The following LHFPL3 variants were observed in gnomAD, a reference collection of about 807,000 sequenced individuals.
LHFPL3 encodes LHFPL tetraspan subfamily member 3 protein.
LHFPL3 carries 5 observed loss-of-function variants against 19.3 expected under a neutral mutation model. The observed-to-expected ratio is 0.26, with a 90% CI of 0.14 to 0.54. The LOEUF is 0.54. Ranked by LOEUF, LHFPL3 falls within the 20% of genes least tolerant of loss-of-function variation. The pLI, the probability that LHFPL3 is intolerant of heterozygous loss-of-function variation, is 0.94. For missense variants in LHFPL3, 249 were observed against 307.4 expected (o/e 0.81, Z 1.42); for synonymous variants, 133 against 126.2 (o/e 1.05, Z -0.36).
chr7:104,721,729 AG>A lies in LHFPL3; in HGVS notation c.446-14942del, dbSNP rs35196635. Among the ~76,000 whole-genome samples the A allele has an allele frequency of 3.5e-3, 539 of 152,310 alleles. 3 individuals carry two copies. Among genetic ancestry groups the A allele is most frequent in the Non-Finnish European group, 5.5e-3 (371 of 68,022 alleles). ...ATGGAAAGGAATGAGAAGTGGAATA[AG>A]GGGCCAAGAGTATTTAAGGAAAAAT... is the stretch of plus-strand genomic sequence containing the variant. On this transcript the variant is annotated intron_variant, in intron 1 of 2. Transcript: ENST00000424859.
At chr7:104,687,412 A>G (rs1239235181) in intron 1 of LHFPL3, among the ~76,000 whole-genome samples, 4 of 152,294 alleles carry the variant, frequency 2.6e-5, no homozygotes, top group African/African-American at 7.2e-5. Flanking sequence ...AATTGATTAA[A>G]TCATTAGCCA....
intron 2 of LHFPL3, among the ~76,000 whole-genome samples, chr7:104,862,658 G>A (rs531496823): frequency 1.1e-4 from 16 of 152,226 alleles, no homozygotes; most frequent in South Asian, 8.3e-4. Context: ...CCCTGACTGG[G>A]TACCAGATCC....
chr7:104,610,198 T>A (rs1791186122), intron 1 of LHFPL3, among the ~76,000 whole-genome samples: 1 of 152,178 alleles, frequency 6.6e-6, no homozygotes, highest in Non-Finnish European at 1.5e-5. Context: ...AAATCCTTTC[T>A]GTATACTGAA....
At chr7:104,592,243 A>G (rs937364081) in intron 1 of LHFPL3, among the ~76,000 whole-genome samples, 5 of 151,998 alleles carry the variant, frequency 3.3e-5, no homozygotes, top group Admixed American at 2.6e-4. Flanking sequence ...GTTTCTCCCC[A>G]TGTTTGTGGT....
At chr7:104,433,974 A>T (rs1423841579) in intron 1 of LHFPL3, among the ~76,000 whole-genome samples, 1 of 152,244 alleles carries the variant, frequency 6.6e-6, no homozygotes, top group African/African-American at 2.4e-5. Flanking sequence ...ACTTTATATT[A>T]TCTTACATTA....
chr7:104,345,438 C>A (rs1370012373), intron 1 of LHFPL3, among the ~76,000 whole-genome samples: 1 of 151,880 alleles, frequency 6.6e-6, no homozygotes, highest in South Asian at 2.1e-4. Context: ...ATTTGGTTAC[C>A]AAGTTTGTTA....
intron 1 of LHFPL3, among the ~76,000 whole-genome samples, chr7:104,688,444 G>T (rs1792845629): frequency 6.6e-6 from 1 of 152,176 alleles, no homozygotes; most frequent in African/African-American, 2.4e-5. Flanking sequence ...TGAGGGCGTT[G>T]ATTGGAAAAG....
intron 2 of LHFPL3, among the ~76,000 whole-genome samples, chr7:104,853,298 G>T (rs998630153): frequency 6.6e-6 from 1 of 152,178 alleles, no homozygotes; most frequent in African/African-American, 2.4e-5. Context: ...GTGGGAGAGA[G>T]AATCTAAAAA....
intron 1 of LHFPL3, among the ~76,000 whole-genome samples, chr7:104,639,252 A>C (rs941743005): frequency 2.6e-5 from 4 of 151,902 alleles, no homozygotes; most frequent in Non-Finnish European, 4.4e-5. Context: ...TCAATTTCAG[A>C]GTTCATTATT....
intron 2 of LHFPL3, among the ~76,000 whole-genome samples, chr7:104,754,423 A>T (rs187252707): frequency 5.9e-5 from 9 of 152,182 alleles, no homozygotes; most frequent in African/African-American, 1.9e-4. Context: ...ACAGTGTGGT[A>T]TAGGGGGAAG....
At chr7:104,900,431 T>G (rs1420861862) in intron 2 of LHFPL3, among the ~76,000 whole-genome samples, 1 of 152,248 alleles carries the variant, frequency 6.6e-6, no homozygotes, top group Non-Finnish European at 1.5e-5. Flanking sequence ...CATTGTCCAC[T>G]GCATACAGAA....
chr7:104,687,969 C>T (rs1792837146), intron 1 of LHFPL3, among the ~76,000 whole-genome samples: 1 of 152,108 alleles, frequency 6.6e-6, no homozygotes, highest in Admixed American at 6.5e-5. Flanking sequence ...TCCTAATGAC[C>T]ATGCATGTAA....
intron 2 of LHFPL3, among the ~76,000 whole-genome samples, chr7:104,845,726 A>G (rs1791300885): frequency 6.6e-6 from 1 of 152,226 alleles, no homozygotes; most frequent in Non-Finnish European, 1.5e-5. Context: ...GAGCACTTGG[A>G]TGATCAGCTT....
chr7:104,386,789 A>G lies in LHFPL3; in HGVS notation c.445+57565A>G, dbSNP rs544954006. Among the ~76,000 whole-genome samples the G allele has an allele frequency of 3.3e-5, 5 of 152,330 alleles. No individual in the cohort carries two copies. The South Asian group carries it at 8.3e-4, about 25-fold the overall frequency. ...TTCAAAGAGATTTCCATGGGTGTAA[A>G]TAACCTAGAATGCAGATTATTTCAA... On this transcript the variant is annotated intron_variant, in intron 1 of 2. Transcript: ENST00000424859.
At chr7:104,808,857 G>A (rs1196798210) in intron 2 of LHFPL3, among the ~76,000 whole-genome samples, 2 of 145,080 alleles carry the variant, frequency 1.4e-5, no homozygotes, top group Non-Finnish European at 1.5e-5. Context: ...GTCCTTTTCT[G>A]CCCTTTCACC....
intron 2 of LHFPL3, among the ~76,000 whole-genome samples, chr7:104,792,895 G>A (rs2116451880): frequency 6.6e-6 from 1 of 152,188 alleles, no homozygotes; most frequent in East Asian, 1.9e-4. Context: ...CTATTTGCTA[G>A]CATTTTTTTT....
chr7:104,562,247 A>G (rs1292957777), intron 1 of LHFPL3, among the ~76,000 whole-genome samples: 1 of 151,612 alleles, frequency 6.6e-6, no homozygotes, highest in African/African-American at 2.4e-5. Context: ...TAGATTGGGG[A>G]AGTTCTCCTG....
chr7:104,597,648 G>T lies in LHFPL3; in HGVS notation c.446-139027G>T, dbSNP rs550481607. 3.3e-5 allele frequency among the ~76,000 whole-genome samples: 5 copies of T among 152,220 alleles called. No homozygotes were observed. In the East Asian group the frequency reaches 9.7e-4, roughly 29 times the overall value. ...GTCTGAAATGGAATGTATTTCTAAG[G>T]AACTAGAATTATCTTTGCCAAAATT... is the stretch of plus-strand genomic sequence containing the variant. On this transcript the variant is annotated intron_variant, in intron 1 of 2. Transcript: ENST00000424859.
At chr7:104,428,934 G>C (rs1217890866) in intron 1 of LHFPL3, among the ~76,000 whole-genome samples, 2 of 151,960 alleles carry the variant, frequency 1.3e-5, no homozygotes, top group Admixed American at 6.6e-5. Flanking sequence ...CTGATGTCAG[G>C]GTTAGGTTCA....
Sources: allele counts gnomAD v4.1 joint callset (sites outside exome capture counted in the v4.1 genomes callset), GRCh38; gene constraint gnomAD v4.1.1; transcripts MANE v1.5; gene names NCBI Gene and HGNC (gene_info 2026-07-23, HGNC 2026-07-21).